The following TMEM132B variants were observed in gnomAD, a reference collection of about 807,000 sequenced individuals.
TMEM132B encodes transmembrane protein 132B.
TMEM132B carries 18 observed loss-of-function variants against 90.8 expected under a neutral mutation model. That is an observed-to-expected ratio of 0.20 (90% CI 0.14 to 0.29). TMEM132B has a LOEUF of 0.29. Among genes scored for constraint, TMEM132B ranks in the 10% least tolerant of loss-of-function variants. The pLI is 1.00. For missense variants in TMEM132B, 1,096 were observed against 1,326.8 expected (o/e 0.83, Z 2.70); for synonymous variants, 504 against 523.3 (o/e 0.96, Z 0.50).
intron 4 of TMEM132B, among the ~76,000 whole-genome samples, chr12:125,530,571 G>C (rs983736729): frequency 6.6e-6 from 1 of 152,236 alleles, no homozygotes; most frequent in Non-Finnish European, 1.5e-5. Context: ...TTTTCTCACA[G>C]CTCTGGAGGC....
intron 5 of TMEM132B, among the ~76,000 whole-genome samples, chr12:125,611,842 G>A (rs1012995199): frequency 1.3e-5 from 2 of 152,112 alleles, no homozygotes; most frequent in African/African-American, 2.4e-5. Flanking sequence ...CTATAGTGGA[G>A]CATTTTCCTT....
intron 2 of TMEM132B, among the ~76,000 whole-genome samples, chr12:125,364,948 T>A (rs1460417195): frequency 6.6e-6 from 1 of 152,052 alleles, no homozygotes; most frequent in Non-Finnish European, 1.5e-5. Flanking sequence ...ATTTTTTATC[T>A]GTTTTGATAA....
intron 1 of TMEM132B, among the ~76,000 whole-genome samples, chr12:125,287,174 C>T (rs547565673): frequency 7.2e-4 from 110 of 152,096 alleles, no homozygotes; most frequent in Non-Finnish European, 1.0e-3. Context: ...ACCTTTTCCT[C>T]CCTCCCTCCT....
intron 2 of TMEM132B, among the ~76,000 whole-genome samples, chr12:125,392,513 C>G (rs1258016540): frequency 6.6e-6 from 1 of 152,252 alleles, no homozygotes; most frequent in Admixed American, 6.5e-5. Context: ...AGTGGCAGCA[C>G]TTGGCTTTGA....
At chr12:125,241,323 C>T (rs111945149) in intron 1 of TMEM132B, among the ~76,000 whole-genome samples, 78 of 152,202 alleles carry the variant, frequency 5.1e-4, no homozygotes, top group African/African-American at 1.9e-3. Flanking sequence ...TATAAAAATA[C>T]CTGTGCTTCT....
At chr12:125,646,745 A>T (rs1886773069) in intron 6 of TMEM132B, among the ~76,000 whole-genome samples, 1 of 152,252 alleles carries the variant, frequency 6.6e-6, no homozygotes, top group Admixed American at 6.5e-5. Flanking sequence ...AATAGATTTC[A>T]GCTGCACCCA....
At chr12:125,363,541 C>T (rs1385784342) in intron 2 of TMEM132B, among the ~76,000 whole-genome samples, 1 of 152,114 alleles carries the variant, frequency 6.6e-6, no homozygotes, top group Non-Finnish European at 1.5e-5. Flanking sequence ...GTTTTTTGGG[C>T]CTGAGTGAAA....
At chr12:125,634,453 G>T (rs10160985) in intron 5 of TMEM132B, among the ~76,000 whole-genome samples, 28,733 of 152,086 alleles carry the variant, frequency 0.19, 3,141 homozygotes, top group African/African-American at 0.28. Context: ...AGGTGCAAGA[G>T]AAATTCTTTA....
intron 4 of TMEM132B, among the ~76,000 whole-genome samples, chr12:125,523,617 C>A (rs537025713): frequency 1.3e-3 from 203 of 152,356 alleles, no homozygotes; most frequent in Non-Finnish European, 2.6e-3. Flanking sequence ...TCCTACCACA[C>A]TTGCTTATGC....
At chr12:125,324,542 A>G (rs1044624068) in intron 1 of TMEM132B, among the ~76,000 whole-genome samples, 1 of 152,198 alleles carries the variant, frequency 6.6e-6, no homozygotes, top group African/African-American at 2.4e-5. Flanking sequence ...GTGGCCTGTT[A>G]GGAACCGGAC....
chr12:125,532,141 T>C (rs763871986), intron 4 of TMEM132B, among the ~76,000 whole-genome samples: 2 of 152,228 alleles, frequency 1.3e-5, no homozygotes, highest in Non-Finnish European at 2.9e-5. Flanking sequence ...TTTGGTTCAG[T>C]TGACCTGCCT....
intron 1 of TMEM132B, among the ~76,000 whole-genome samples, chr12:125,292,616 C>A (rs931405778): frequency 6.6e-6 from 1 of 152,164 alleles, no homozygotes; most frequent in Admixed American, 6.6e-5. Flanking sequence ...TGGCTAAATC[C>A]AAGGACTCAA....
At chr12:125,530,528 C>G (rs1375901901) in intron 4 of TMEM132B, among the ~76,000 whole-genome samples, 1 of 152,212 alleles carries the variant, frequency 6.6e-6, no homozygotes, top group African/African-American at 2.4e-5. Flanking sequence ...ACAAATTACC[C>G]CAAACTAGGT....
chr12:125,280,928 C>CG (rs574144343), intron 1 of TMEM132B, among the ~76,000 whole-genome samples: 98 of 152,202 alleles, frequency 6.4e-4, no homozygotes, highest in Non-Finnish European at 1.2e-3. Flanking sequence ...AGTGAGAAAA[C>CG]GGGGGGCTGA....
At chr12:125,278,665 C>T (rs1360940461) in intron 1 of TMEM132B, among the ~76,000 whole-genome samples, 2 of 151,960 alleles carry the variant, frequency 1.3e-5, no homozygotes, top group Non-Finnish European at 2.9e-5. Context: ...GTTTAGAAAG[C>T]CAGCAAACTA....
At chr12:125,563,598 C>CAA (rs77003788) in intron 4 of TMEM132B, among the ~76,000 whole-genome samples, 35 of 150,296 alleles carry the variant, frequency 2.3e-4, no homozygotes, top group African/African-American at 2.0e-4. Flanking sequence ...AACAAACAAA[C>CAA]AAAAAAAAAC....
Position 125,432,528 on chromosome 12 carries a change from T to TATATAGAGAGAGAG in TMEM132B, c.1106+16852_1106+16853insTATAGAGAGAGAGA, listed in dbSNP as rs1458075923. Reference sequence around the variant, plus strand: ...GTGTGTGTGTATATATATATATATATAGAGAGAGAGAGAGAGAGAGAGAGA... The same window carrying TATATAGAGAGAGAG: ...GTGTGTGTGTATATATATATATATATATATAGAGAGAGAGAGAGAGAGAGAGAGAGAGAGAGAGA... On this transcript the variant is annotated intron_variant, in intron 3 of 8. Transcript: ENST00000682704. 1.0e-4 allele frequency among the ~76,000 whole-genome samples: 4 copies of TATATAGAGAGAGAG among 39,128 alleles called. 1 individual carries two copies. The highest frequency in any genetic ancestry group is 2.0e-4 in the Non-Finnish European group (4 of 20,094). The allele number at this position is 39,128 out of a possible 152,430, so 25.7% of individuals were successfully genotyped here.
At chr12:125,526,480 C>T (rs889596737) in intron 4 of TMEM132B, among the ~76,000 whole-genome samples, 2 of 152,224 alleles carry the variant, frequency 1.3e-5, no homozygotes, top group Non-Finnish European at 2.9e-5. Context: ...GCCTTGTAAT[C>T]TTACCTGTGA....
At chr12:125,412,111 A>T (rs1265049380) in intron 2 of TMEM132B, among the ~76,000 whole-genome samples, 3 of 152,186 alleles carry the variant, frequency 2.0e-5, no homozygotes, top group Non-Finnish European at 2.9e-5. Context: ...GCGTTTGCCC[A>T]CTGTGAGAGT....
Sources: gnomAD v4.1 joint callset for allele counts (sites outside exome capture counted in the v4.1 genomes callset) on GRCh38, gnomAD v4.1.1 for gene constraint, MANE v1.5 for transcripts, NCBI Gene and HGNC (gene_info 2026-07-23, HGNC 2026-07-21) for gene names.